FOXJ3: variants seen among roughly 807,000 people sequenced by gnomAD.
FOXJ3 encodes the protein forkhead box protein J3.
Under a neutral mutation model 76.1 loss-of-function variants are expected in FOXJ3, and 22 were observed. The observed-to-expected ratio is 0.29, with a 90% CI of 0.21 to 0.41. The LOEUF is 0.41. Ranked by LOEUF, FOXJ3 falls within the 10% of genes least tolerant of loss-of-function variation. The pLI is 1.00. For synonymous variants in FOXJ3, 269 were observed against 261.2 expected (o/e 1.03, Z -0.29); for missense variants, 613 against 762.1 (o/e 0.80, Z 2.30).
At chr1:42,281,536 G>A (rs1456663168) in intron 2 of FOXJ3, among the ~76,000 whole-genome samples, 1 of 152,166 alleles carries the variant, frequency 6.6e-6, no homozygotes, top group Non-Finnish European at 1.5e-5. Flanking sequence ...AGTTCCACAA[G>A]AGCAAATTTT....
intron 3 of FOXJ3, among the ~76,000 whole-genome samples, chr1:42,268,317 A>AT (rs1651623886): frequency 6.6e-6 from 1 of 152,090 alleles, no homozygotes; most frequent in African/African-American, 2.4e-5. Flanking sequence ...AAATACTGAA[A>AT]GAAAAAAAAA....
At chr1:42,329,947 C>A (rs1413539680) in intron 1 of FOXJ3, among the ~76,000 whole-genome samples, 2 of 152,166 alleles carry the variant, frequency 1.3e-5, no homozygotes, top group Non-Finnish European at 2.9e-5. Context: ...TGAAAATAGA[C>A]TACAAGGGTT....
intron 4 of FOXJ3, among the ~76,000 whole-genome samples, chr1:42,246,402 C>A (rs940298131): frequency 4.6e-5 from 7 of 151,838 alleles, no homozygotes; most frequent in Non-Finnish European, 8.8e-5. Flanking sequence ...GGAAGGCATA[C>A]AAATGGCCAA....
chr1:42,319,394 T>A (rs1444241238), intron 1 of FOXJ3, among the ~76,000 whole-genome samples: 1 of 152,130 alleles, frequency 6.6e-6, no homozygotes, highest in Non-Finnish European at 1.5e-5. Flanking sequence ...AAGAAACCAG[T>A]CATAAAAGAT....
Position 42,178,768 on chromosome 1 carries a change from G to A in FOXJ3, c.*942C>T, listed in dbSNP as rs1296193031. 1 of 152,630 alleles carries A rather than the reference G, an allele frequency of 6.6e-6. No homozygotes were observed. The highest frequency in any genetic ancestry group is 1.5e-5 in the Non-Finnish European group (1 of 68,088). The allele number at this position is 152,630 out of a possible 1,614,324, so 9.5% of individuals were successfully genotyped here. ...CCACTGCACTCCAGCCTGGGCAACA[G>A]GGCAAGACTCCATCTCAAAAAAAGA... is the stretch of plus-strand genomic sequence containing the variant. On this transcript the variant is annotated 3_prime_UTR_variant, in exon 13 of 13. Coordinates refer to ENST00000361346, the MANE Select transcript of FOXJ3 (RefSeq NM_014947.5).
chr1:42,204,984 G>C (rs1367643050), intron 6 of FOXJ3, among the ~76,000 whole-genome samples: 1 of 152,114 alleles, frequency 6.6e-6, no homozygotes, highest in Non-Finnish European at 1.5e-5. Flanking sequence ...GAAAATGAGA[G>C]AGAGGGAGAG....
In FOXJ3 at chr1:42,181,897, ACTCT is replaced by A. The variant is rs150006846; in HGVS notation, c.1753+16_1753+19del. On this transcript the variant is annotated intron_variant, in intron 12 of 12. Coordinates refer to ENST00000361346, the MANE Select transcript of FOXJ3 (RefSeq NM_014947.5). Reference sequence around the variant, plus strand: ...CACACACACACACACACACACACTCACTCTCTCTCTCTCTCTTACCTGCCATCGT... The same window carrying A: ...CACACACACACACACACACACACTCACTCTCTCTCTCTTACCTGCCATCGT... The A allele has an allele frequency of 6.5e-4, 773 of 1,185,692 alleles. No homozygotes were observed. Among genetic ancestry groups the A allele is most frequent in the Non-Finnish European group, 7.3e-4 (609 of 836,698 alleles). The allele number at this position is 1,185,692 out of a possible 1,614,324, so 73.4% of individuals were successfully genotyped here.
chr1:42,222,046 GAGAAGAAGAAGAAGAAGAAGA>G (rs1161062102), intron 5 of FOXJ3, among the ~76,000 whole-genome samples: 2 of 9,030 alleles, frequency 2.2e-4, no homozygotes, highest in African/African-American at 8.7e-4. Flanking sequence ...GAAGGAGAAG[GAGAAGAAGAAGAAGAAGAAGA>G]AGAAGAAGAA....
chr1:42,289,061 T>C (rs938068017), intron 2 of FOXJ3, among the ~76,000 whole-genome samples: 10 of 152,060 alleles, frequency 6.6e-5, no homozygotes, highest in Non-Finnish European at 1.2e-4. Context: ...ACAATAAATA[T>C]TGACAGATAT....
intron 1 of FOXJ3, among the ~76,000 whole-genome samples, chr1:42,318,111 A>C (rs1490821157): frequency 6.6e-6 from 1 of 152,192 alleles, no homozygotes; most frequent in Non-Finnish European, 1.5e-5. Context: ...TACTTAATAC[A>C]GTCTTTTGTA....
intron 4 of FOXJ3, among the ~76,000 whole-genome samples, chr1:42,232,437 C>G (rs1221848200): frequency 7.4e-5 from 11 of 149,388 alleles, no homozygotes; most frequent in African/African-American, 2.7e-4. Context: ...GTTCCTATTT[C>G]TCCACATCCT....
At chr1:42,296,588 A>G (rs1388869390) in intron 2 of FOXJ3, among the ~76,000 whole-genome samples, 1 of 152,136 alleles carries the variant, frequency 6.6e-6, no homozygotes, top group Non-Finnish European at 1.5e-5. Flanking sequence ...GTTTATTTTC[A>G]TCAACTTTGT....
intron 2 of FOXJ3, among the ~76,000 whole-genome samples, chr1:42,310,141 A>G (rs946567935): frequency 4.0e-5 from 6 of 151,574 alleles, no homozygotes; most frequent in Non-Finnish European, 8.8e-5. Context: ...AGTAGAAAGC[A>G]GGTTTAGGTT....
chr1:42,331,109 G>A (rs754322697), intron 1 of FOXJ3, among the ~76,000 whole-genome samples: 10 of 152,246 alleles, frequency 6.6e-5, no homozygotes, highest in East Asian at 1.9e-4. Context: ...GACCAGGCGC[G>A]GTGGCTTACA....
At chr1:42,325,067 T>C (rs1389498315) in intron 1 of FOXJ3, among the ~76,000 whole-genome samples, 4 of 152,184 alleles carry the variant, frequency 2.6e-5, no homozygotes, top group African/African-American at 9.7e-5. Flanking sequence ...CATGACTGTA[T>C]AATGGCTATA....
chr1:42,319,260 T>C (rs749165938), intron 1 of FOXJ3, among the ~76,000 whole-genome samples: 4 of 151,488 alleles, frequency 2.6e-5, no homozygotes, highest in Non-Finnish European at 5.9e-5. Context: ...AAAGTGGAAA[T>C]AATCCAAATG....
intron 5 of FOXJ3, among the ~76,000 whole-genome samples, chr1:42,212,219 A>G (rs2124366495): frequency 6.6e-6 from 1 of 152,384 alleles, no homozygotes. Context: ...ACTGCACTCC[A>G]GCCTGGGTGA....
At chr1:42,265,093 GT>G in intron 4 of FOXJ3, 21 bp downstream of exon 4, 1 of 1,434,330 alleles carries the variant, frequency 7.0e-7, no homozygotes, top group Non-Finnish European at 9.8e-7. Flanking sequence ...GAATTCAACT[GT>G]TTTAAGAAGA....
chr1:42,242,150 G>A (rs1028056473), intron 4 of FOXJ3, among the ~76,000 whole-genome samples: 24 of 151,588 alleles, frequency 1.6e-4, no homozygotes, highest in African/African-American at 5.3e-4. Flanking sequence ...TCTAAAAATG[G>A]AAGAAGTAAC....
Sources: allele counts gnomAD v4.1 joint callset (sites outside exome capture counted in the v4.1 genomes callset), GRCh38; gene constraint gnomAD v4.1.1; transcripts MANE v1.5; gene names NCBI Gene and HGNC (gene_info 2026-07-23, HGNC 2026-07-21).